ARB2A: variants seen among roughly 807,000 people sequenced by gnomAD.
ARB2A encodes the protein cotranscriptional regulator ARB2A.
chr5:93,946,828 T>C, the ARB2A span, among the ~76,000 whole-genome samples: 16 of 152,196 alleles, frequency 1.1e-4, no homozygotes, highest in Non-Finnish European at 1.5e-4. Flanking sequence ...TTTTCATTTA[T>C]CTTGCCTTAG....
the ARB2A span, among the ~76,000 whole-genome samples, chr5:93,845,775 G>A: frequency 2.2e-4 from 34 of 152,292 alleles, no homozygotes; most frequent in Non-Finnish European, 4.4e-4. Flanking sequence ...TGGAGGGGGC[G>A]TAAGATTAAG....
the ARB2A span, among the ~76,000 whole-genome samples, chr5:93,774,575 TC>T: frequency 6.6e-6 from 1 of 152,370 alleles, no homozygotes; most frequent in South Asian, 2.1e-4. Context: ...TAAACAAGTA[TC>T]CTTTTTATAG....
At chr5:93,851,705 T>G in the ARB2A span, among the ~76,000 whole-genome samples, 1 of 152,136 alleles carries the variant, frequency 6.6e-6, no homozygotes, top group East Asian at 1.9e-4. Flanking sequence ...TATGTGGTGT[T>G]TGGTTTTTTG....
At chr5:94,088,219 AC>A in the ARB2A span, among the ~76,000 whole-genome samples, 2 of 152,110 alleles carry the variant, frequency 1.3e-5, no homozygotes, top group Admixed American at 1.3e-4. Flanking sequence ...TGTTACTAAA[AC>A]CCAATTGATT....
At chr5:93,853,442 C>T in the ARB2A span, among the ~76,000 whole-genome samples, 5 of 152,062 alleles carry the variant, frequency 3.3e-5, no homozygotes, top group Non-Finnish European at 5.9e-5. Context: ...AATTGAATAC[C>T]CTTTATTTCC....
the ARB2A span, among the ~76,000 whole-genome samples, chr5:94,051,431 G>A: frequency 4.5e-4 from 69 of 152,306 alleles, no homozygotes; most frequent in Admixed American, 3.9e-3. Context: ...ACAGGTTCAG[G>A]CTATCAAATC....
the ARB2A span, among the ~76,000 whole-genome samples, chr5:93,635,123 T>C: frequency 6.6e-6 from 1 of 152,252 alleles, no homozygotes; most frequent in African/African-American, 2.4e-5. Context: ...CAAAGTAACA[T>C]AGCACTAAAC....
the ARB2A span, among the ~76,000 whole-genome samples, chr5:93,958,163 A>C: frequency 6.6e-6 from 1 of 152,208 alleles, no homozygotes; most frequent in Admixed American, 6.5e-5. Flanking sequence ...GGAGTTTCTA[A>C]AAAGTTTGAA....
chr5:93,632,790 T>C, the ARB2A span, among the ~76,000 whole-genome samples: 2 of 152,202 alleles, frequency 1.3e-5, no homozygotes, highest in African/African-American at 2.4e-5. Flanking sequence ...TCTGTAGCAA[T>C]AGTAATATGA....
chr5:94,100,708 A>C, the ARB2A span, among the ~76,000 whole-genome samples: 6 of 152,334 alleles, frequency 3.9e-5, no homozygotes, highest in East Asian at 1.2e-3. Flanking sequence ...TATTCAAAAA[A>C]TGGTGCTGAG....
chr5:94,051,412 T>C, the ARB2A span, among the ~76,000 whole-genome samples: 1 of 152,204 alleles, frequency 6.6e-6, no homozygotes, highest in African/African-American at 2.4e-5. Flanking sequence ...AGAGAAGCAG[T>C]GAGCTAACAC....
chr5:93,675,905 C>G, the ARB2A span, among the ~76,000 whole-genome samples: 1 of 152,178 alleles, frequency 6.6e-6, no homozygotes, highest in Admixed American at 6.5e-5. Context: ...TCTGATTAAT[C>G]ATTGCCCATC....
the ARB2A span, among the ~76,000 whole-genome samples, chr5:93,834,919 TA>T: frequency 6.6e-6 from 1 of 152,208 alleles, no homozygotes; most frequent in African/African-American, 2.4e-5. Context: ...GCAAACATAC[TA>T]AATCTATTCC....
chr5:93,749,593 A>AT, the ARB2A span, among the ~76,000 whole-genome samples: 1 of 152,156 alleles, frequency 6.6e-6, no homozygotes, highest in Non-Finnish European at 1.5e-5. Context: ...GTCTTACCCC[A>AT]TTTTACAGAC....
At chr5:93,830,172 G>C in the ARB2A span, among the ~76,000 whole-genome samples, 1 of 151,288 alleles carries the variant, frequency 6.6e-6, no homozygotes, top group Admixed American at 6.6e-5. Context: ...AAATAGGAAA[G>C]TTACCAGAGT....
the ARB2A span, among the ~76,000 whole-genome samples, chr5:94,078,565 C>A: frequency 6.6e-6 from 1 of 152,110 alleles, no homozygotes; most frequent in Non-Finnish European, 1.5e-5. Context: ...AGACACGAGA[C>A]AAAGCCCAGG....
At chr5:94,058,105 TG>T in the ARB2A span, among the ~76,000 whole-genome samples, 1 of 152,006 alleles carries the variant, frequency 6.6e-6, no homozygotes, top group Non-Finnish European at 1.5e-5. Context: ...CAAATATGTA[TG>T]CCTATTAGCC....
At chr5:94,105,292 T>C in the ARB2A span, among the ~76,000 whole-genome samples, 1 of 152,034 alleles carries the variant, frequency 6.6e-6, no homozygotes, top group Admixed American at 6.6e-5. Context: ...TTCTGCAAAG[T>C]TTCAGGATAC....
At chr5:93,824,305 C>T in the ARB2A span, 76 of 1,438,258 alleles carry the variant, frequency 5.3e-5, no homozygotes, top group East Asian at 1.7e-3. Context: ...ACATATTATA[C>T]CTAATTATTA....
Sources: gnomAD v4.1 joint callset for allele counts (sites outside exome capture counted in the v4.1 genomes callset) on GRCh38, gnomAD v4.1.1 for gene constraint, MANE v1.5 for transcripts, NCBI Gene and HGNC (gene_info 2026-07-23, HGNC 2026-07-21) for gene names.